The following KDM1A variants were observed in gnomAD, a reference collection of about 807,000 sequenced individuals.
The protein encoded by KDM1A is lysine-specific histone demethylase 1A.
In KDM1A, 49 loss-of-function variants were observed where a neutral mutation model predicts 109.4. That is an observed-to-expected ratio of 0.45 (90% confidence interval 0.36 to 0.57). The LOEUF is 0.57. KDM1A is among the 20% of genes least tolerant of loss of function. KDM1A has a pLI of 0.00. For missense variants in KDM1A, 668 were observed against 1,116.6 expected (o/e 0.60, Z 5.73); for synonymous variants, 380 against 415.4 (o/e 0.91, Z 1.04).
chr1:23,046,751 T>C (rs1255446518), intron 3 of KDM1A, among the ~76,000 whole-genome samples: 3 of 152,168 alleles, frequency 2.0e-5, no homozygotes, highest in African/African-American at 7.2e-5. Context: ...GAAAGGGCAG[T>C]TCTGCTTTAG....
chr1:23,044,603 T>G, intron 3 of KDM1A, 117 bp downstream of exon 3: 1 of 819,870 alleles, frequency 1.2e-6, no homozygotes. Flanking sequence ...CAGGTGAAAT[T>G]TAACCCACAG....
intron 1 of KDM1A, among the ~76,000 whole-genome samples, chr1:23,023,228 G>A (rs956804299): frequency 6.6e-6 from 1 of 152,126 alleles, no homozygotes; most frequent in African/African-American, 2.4e-5. Flanking sequence ...ATTTTGATGA[G>A]ATCCAATTTA....
chr1:23,048,566 G>A (rs1642568942), intron 3 of KDM1A, among the ~76,000 whole-genome samples: 1 of 151,992 alleles, frequency 6.6e-6, no homozygotes, highest in Non-Finnish European at 1.5e-5. Context: ...TACAGTAGAT[G>A]GATAGTTTTT....
intron 9 of KDM1A, among the ~76,000 whole-genome samples, chr1:23,065,193 T>C (rs1286557329): frequency 6.6e-6 from 1 of 152,212 alleles, no homozygotes; most frequent in Non-Finnish European, 1.5e-5. Flanking sequence ...CATTTTGTTG[T>C]TATTGTTCCA....
At chr1:23,078,485 C>T (rs1643530278) in intron 16 of KDM1A, among the ~76,000 whole-genome samples, 1 of 152,198 alleles carries the variant, frequency 6.6e-6, no homozygotes, top group African/African-American at 2.4e-5. Context: ...CATTCATACT[C>T]TGACAAGCTG....
intron 15 of KDM1A, among the ~76,000 whole-genome samples, chr1:23,075,828 T>G (rs1327977841): frequency 6.6e-6 from 1 of 151,378 alleles, no homozygotes; most frequent in Non-Finnish European, 1.5e-5. Context: ...ATGCCTGTAG[T>G]CTCAGCTGCT....
Position 23,083,457 on chromosome 1 carries a change from C to A in KDM1A, c.*93C>A. The A allele has an allele frequency of 7.8e-7, 1 of 1,287,464 alleles. No homozygotes were observed. Among genetic ancestry groups the A allele is most frequent in the Non-Finnish European group, 1.0e-6 (1 of 958,604 alleles). 79.8% of individuals were successfully genotyped at this position (1,287,464 alleles called of 1,614,324 possible). A position where few individuals can be genotyped will look rare whatever the true frequency, so the allele number is the denominator to read the frequency against. On this transcript the variant is annotated 3_prime_UTR_variant, in exon 21 of 21. Coordinates refer to ENST00000400181, the MANE Select transcript of KDM1A (RefSeq NM_001009999.3). ...AATACTAGATCCCACTGAGAAAATC[C>A]ACCCTGGCATCTGGGCTCCTGATCA...
intron 15 of KDM1A, among the ~76,000 whole-genome samples, chr1:23,073,724 G>GTT (rs1341605428): frequency 1.3e-5 from 2 of 152,190 alleles, no homozygotes; most frequent in Non-Finnish European, 2.9e-5. Context: ...TTATTCTACA[G>GTT]TTTCATATAA....
intron 4 of KDM1A, among the ~76,000 whole-genome samples, chr1:23,052,060 T>G (rs1432703950): frequency 1.3e-5 from 2 of 152,184 alleles, no homozygotes; most frequent in Non-Finnish European, 2.9e-5. Flanking sequence ...TTTTTTTGTT[T>G]GTTTGTTTTA....
intron 4 of KDM1A, among the ~76,000 whole-genome samples, chr1:23,052,576 T>G (rs1388299567): frequency 6.6e-6 from 1 of 152,234 alleles, no homozygotes; most frequent in Non-Finnish European, 1.5e-5. Flanking sequence ...TTGTCATGCA[T>G]TTTGCAAGTA....
In KDM1A at chr1:23,082,845, A is replaced by G. The variant is rs142910928; in HGVS notation, c.2446-334A>G. ...CGAGGCTTAAGTGTCCCTGATCACC[A>G]AATGTCCTGTGCTTCAGGGTAGCGA... On this transcript the variant is annotated intron_variant, in intron 20 of 20. Coordinates refer to ENST00000400181, the MANE Select transcript of KDM1A (RefSeq NM_001009999.3). The G allele has an allele frequency of 4.2e-3, 945 of 225,374 alleles. 9 individuals are homozygous for G. The highest frequency in any genetic ancestry group is 0.019 in the African/African-American group (845 of 44,642). 14.0% of individuals were successfully genotyped at this position (225,374 alleles called of 1,614,324 possible). A position where few individuals can be genotyped will look rare whatever the true frequency, so the allele number is the denominator to read the frequency against.
intron 2 of KDM1A, among the ~76,000 whole-genome samples, chr1:23,042,440 A>ATTATTATTATTATTATTTTTT (rs1553127465): frequency 6.5e-4 from 14 of 21,560 alleles, no homozygotes; most frequent in Admixed American, 1.2e-3. Context: ...GAAATATATT[A>ATTATTATTATTATTATTTTTT]TTTTTTTTTT....
intron 15 of KDM1A, among the ~76,000 whole-genome samples, chr1:23,076,529 A>G (rs1643469984): frequency 6.6e-6 from 1 of 152,202 alleles, no homozygotes; most frequent in Non-Finnish European, 1.5e-5. Flanking sequence ...ATATCCTTCA[A>G]GTCTGTAATG....
chr1:23,083,460 C>G lies in KDM1A; in HGVS notation c.*96C>G. 8.0e-7 allele frequency: 1 copy of G among 1,255,228 alleles called. No individual in the cohort carries two copies. The highest frequency in any genetic ancestry group is 2.6e-5 in the Admixed American group (1 of 38,446). The allele number at this position is 1,255,228 out of a possible 1,614,324, so 77.8% of individuals were successfully genotyped here. A position where few individuals can be genotyped will look rare whatever the true frequency, so the allele number is the denominator to read the frequency against. ...ACTAGATCCCACTGAGAAAATCCACCCTGGCATCTGGGCTCCTGATCAGCT... is the reference window on the plus strand; with the variant it reads ...ACTAGATCCCACTGAGAAAATCCACGCTGGCATCTGGGCTCCTGATCAGCT... On this transcript the variant is annotated 3_prime_UTR_variant, in exon 21 of 21. Coordinates refer to ENST00000400181, the MANE Select transcript of KDM1A (RefSeq NM_001009999.3).
intron 3 of KDM1A, among the ~76,000 whole-genome samples, chr1:23,046,004 A>G (rs1557536363): frequency 6.6e-6 from 1 of 152,138 alleles, no homozygotes; most frequent in East Asian, 1.9e-4. Context: ...CTTAAAACCC[A>G]CCTCAAGTTG....
In KDM1A at chr1:23,082,112, CCT is replaced by C. The variant is rs554537566; in HGVS notation, c.2299-105_2299-104del. ...TGATCACTGGCTCTCACATGTTGCCCCTCTTTCTCTTCACTTGCATCTCCACC... is the reference window on the plus strand; with the variant it reads ...TGATCACTGGCTCTCACATGTTGCCCCTTTCTCTTCACTTGCATCTCCACC... On this transcript the variant is annotated intron_variant, in intron 19 of 20. Coordinates refer to ENST00000400181, the MANE Select transcript of KDM1A (RefSeq NM_001009999.3). The C allele has an allele frequency of 3.9e-4, 470 of 1,191,262 alleles. 3 individuals are homozygous for C. The South Asian group carries it at 4.6e-3, about 12-fold the overall frequency. 73.8% of individuals were successfully genotyped at this position (1,191,262 alleles called of 1,614,324 possible).
chr1:23,058,312 C>G (rs1234676322), intron 8 of KDM1A, among the ~76,000 whole-genome samples: 6 of 152,164 alleles, frequency 3.9e-5, no homozygotes, highest in African/African-American at 1.4e-4. Context: ...CTCCTGACCT[C>G]AGGTGATCCA....
At chr1:23,029,786 C>T (rs534986358) in intron 1 of KDM1A, among the ~76,000 whole-genome samples, 22 of 152,158 alleles carry the variant, frequency 1.4e-4, no homozygotes. Flanking sequence ...ATTACAGGTG[C>T]CTGCCAACAC....
chr1:23,063,039 T>C (rs1327650912), intron 9 of KDM1A, among the ~76,000 whole-genome samples: 1 of 152,112 alleles, frequency 6.6e-6, no homozygotes, highest in Non-Finnish European at 1.5e-5. Flanking sequence ...CTGAGGGGAC[T>C]GAAAGCACAA....
Sources: gnomAD v4.1 joint callset for allele counts (sites outside exome capture counted in the v4.1 genomes callset) on GRCh38, gnomAD v4.1.1 for gene constraint, MANE v1.5 for transcripts, NCBI Gene and HGNC (gene_info 2026-07-23, HGNC 2026-07-21) for gene names.